The following NUP214 variants were observed in gnomAD, a reference collection of about 807,000 sequenced individuals.
NUP214 encodes nuclear pore complex protein Nup214.
A neutral mutation model predicts 196.2 loss-of-function variants in NUP214; 79 were observed. The ratio of observed to expected loss-of-function variants is 0.40; its 90% confidence interval spans 0.34 to 0.49. The LOEUF is 0.49. NUP214 is among the 20% of genes least tolerant of loss of function. The probability of loss-of-function intolerance (pLI) is 0.58; values close to 1 mark genes in which losing one functional copy is unlikely to be tolerated. For synonymous variants in NUP214, 1,020 were observed against 990.5 expected (o/e 1.03, Z -0.56); for missense variants, 2,468 against 2,539.0 (o/e 0.97, Z 0.60).
At position 131,178,298 on chromosome 9, in the gene NUP214, C is replaced by A. The variant is rs111275500; in HGVS notation, c.3320-13C>A. The A allele has an allele frequency of 6.3e-7, 1 of 1,586,070 alleles. No homozygotes were observed. The highest frequency in any genetic ancestry group is 8.7e-7 in the Non-Finnish European group (1 of 1,154,588). Reference sequence around the variant, plus strand: ...GAATTAATATGGTGTTCTCTCTTCTCTGTTTAAATTAGCTGTAAACACTTT... The same window carrying A: ...GAATTAATATGGTGTTCTCTCTTCTATGTTTAAATTAGCTGTAAACACTTT... On this transcript the variant is annotated splice_polypyrimidine_tract_variant and intron_variant, in intron 23 of 35. Transcript: ENST00000359428.
At chr9:131,159,527 T>C (rs769666404) in intron 18 of NUP214, 41 bp downstream of exon 18, 3 of 1,459,928 alleles carry the variant, frequency 2.1e-6, no homozygotes, top group Admixed American at 1.7e-5. Flanking sequence ...GGAATAGATA[T>C]TGCTATTGCC....
At chr9:131,216,892 T>G (rs1834414564) in intron 31 of NUP214, among the ~76,000 whole-genome samples, 1 of 142,116 alleles carries the variant, frequency 7.0e-6, no homozygotes, top group Non-Finnish European at 1.6e-5. Flanking sequence ...TGTGTAGATC[T>G]TTATCCTGCT....
chr9:131,164,957 A>G (rs1564191868), intron 21 of NUP214, among the ~76,000 whole-genome samples: 2 of 152,336 alleles, frequency 1.3e-5, no homozygotes, highest in East Asian at 3.9e-4. Context: ...GCTTTTGGTA[A>G]TCAGAATAAC....
At position 131,198,300 on chromosome 9, in the gene NUP214, A is replaced by T. The variant is rs1374330636; in HGVS notation, c.4806A>T (p.Ser1602=). Residue 1602 remains serine (S), a synonymous_variant, in exon 29 of 36, where the codon TCA becomes TCT. Transcript: ENST00000359428. The stretch of plus-strand genomic sequence containing the variant: ...CTGCTGTCACAGCAGCTGCTATCTC[A>T]AGTGCAGGCCCTGTGGCCGTCGAAA... The part of the protein sequence containing the change: ...GQTAVTAAAI[S]SAGPVAVETS... 4 of 1,614,012 alleles carry T rather than the reference A, an allele frequency of 2.5e-6. No individual in the cohort carries two copies. The highest frequency in any genetic ancestry group is 1.7e-5 in the Admixed American group (1 of 60,000).
In NUP214 at chr9:131,232,188, C is replaced by T. The variant is rs566021039; in HGVS notation, c.6215-96C>T. ...TGGTGGAGGCACGGAGGGCTTCCCACAAGAAGCACAGAGGAGGGCAGACAC... is the reference window on the plus strand; with the variant it reads ...TGGTGGAGGCACGGAGGGCTTCCCATAAGAAGCACAGAGGAGGGCAGACAC... On this transcript the variant is annotated intron_variant, in intron 34 of 35. Transcript: ENST00000359428. The surrounding 1 kb of genome is among the most constrained non-coding windows in gnomAD (Gnocchi z 5.1). The T allele has an allele frequency of 7.4e-7, 1 of 1,343,950 alleles. No homozygotes were observed. Among genetic ancestry groups the T allele is most frequent in the Non-Finnish European group, 1.1e-6 (1 of 933,684 alleles). The allele number at this position is 1,343,950 out of a possible 1,614,324, so 83.3% of individuals were successfully genotyped here.
chr9:131,215,571 G>A (rs1834369620), intron 31 of NUP214, among the ~76,000 whole-genome samples: 1 of 103,342 alleles, frequency 9.7e-6, no homozygotes, highest in Non-Finnish European at 2.2e-5. Flanking sequence ...ATCATGAAAA[G>A]ATATCAGAGC....
At chr9:131,178,537 G>C in intron 24 of NUP214, 127 bp downstream of exon 24, 2 of 660,070 alleles carry the variant, frequency 3.0e-6, no homozygotes, top group Non-Finnish European at 5.3e-6. Flanking sequence ...TATAAGGGGG[G>C]TGGCGGCTAA....
In NUP214 at chr9:131,197,214, A is replaced by G; in HGVS notation, c.3722-2A>G. 6.2e-7 allele frequency: 1 copy of G among 1,608,756 alleles called. No individual in the cohort carries two copies. Among genetic ancestry groups the G allele is most frequent in the South Asian group, 1.1e-5 (1 of 90,966 alleles). On this transcript the variant is annotated splice_acceptor_variant, in intron 28 of 35. Transcript: ENST00000359428. LOFTEE classifies it high-confidence loss of function. ...CATTTTCTGATTTCTTTTTCTTGCT[A>G]GGGGCAACACCCTCCACTAAAGAGT...
intron 11 of NUP214, among the ~76,000 whole-genome samples, chr9:131,142,525 C>G (rs1224616927): frequency 6.6e-6 from 1 of 152,224 alleles, no homozygotes; most frequent in Non-Finnish European, 1.5e-5. Context: ...CTGTATTGAT[C>G]AGAAGTAGTA....
In NUP214 at chr9:131,144,742, A is replaced by G; in HGVS notation, c.1757A>G (p.Asn586Ser). Reference sequence around the variant, plus strand: ...CCCTCAACCTCTGCTGTCAAAGTCAACCTTAGTGAAAAGTAAGTCACTTCT... The same window carrying G: ...CCCTCAACCTCTGCTGTCAAAGTCAGCCTTAGTGAAAAGTAAGTCACTTCT... The part of the protein sequence containing the change: ...FPPSTSAVKV[N>S]LSEKFTAAAT... The change falls in exon 12 of 36, where the codon AAC becomes AGC. Residue 586 changes from asparagine to serine, a missense_variant. This residue lies in a region of NUP214 where 1,801 missense variants were observed against 1,779.4 expected (regional missense o/e 1.01). Transcript: ENST00000359428. 1.3e-6 allele frequency: 2 copies of G among 1,599,740 alleles called. No individual in the cohort carries two copies. The highest frequency in any genetic ancestry group is 1.7e-6 in the Non-Finnish European group (2 of 1,173,522).
chr9:131,205,857 A>AT (rs1314791377), intron 30 of NUP214, among the ~76,000 whole-genome samples: 1 of 151,972 alleles, frequency 6.6e-6, no homozygotes, highest in African/African-American at 2.4e-5. Context: ...TAATTTTTGT[A>AT]TTTTTAGTAG....
intron 24 of NUP214, among the ~76,000 whole-genome samples, chr9:131,183,172 C>T (rs1833337397): frequency 6.6e-6 from 1 of 152,202 alleles, no homozygotes; most frequent in Non-Finnish European, 1.5e-5. Flanking sequence ...GCAACCTCTG[C>T]CTCCCAGGTT....
intron 33 of NUP214, chr9:131,229,774 C>T (rs547608132): frequency 2.3e-5 from 12 of 518,846 alleles, no homozygotes; most frequent in South Asian, 1.3e-4. Context: ...CCAATGAGAG[C>T]AGATCCCTTG....
Position 131,144,488 on chromosome 9 carries a change from A to G in NUP214, c.1503A>G (p.Ser501=), listed in dbSNP as rs1832021462. The part of the protein sequence containing the change: ...SSATVTGEPP[S]YSSGSDSSKA... ...CTACGGTCACTGGGGAGCCCCCTTC[A>G]TATTCCAGTGGCTCCGACAGCTCCA... is the stretch of plus-strand genomic sequence containing the variant. The change falls in exon 12 of 36, where the codon TCA becomes TCG. Residue 501 remains serine, a synonymous_variant. Coordinates refer to ENST00000359428, the MANE Select transcript of NUP214 (RefSeq NM_005085.4). 3.7e-6 allele frequency: 6 copies of G among 1,614,108 alleles called. No individual in the cohort carries two copies. Among genetic ancestry groups the G allele is most frequent in the Non-Finnish European group, 5.1e-6 (6 of 1,180,014 alleles).
intron 17 of NUP214, among the ~76,000 whole-genome samples, chr9:131,154,255 G>A (rs961258588): frequency 1.3e-5 from 2 of 151,844 alleles, no homozygotes; most frequent in African/African-American, 2.4e-5. Flanking sequence ...AGTTTTTGGG[G>A]GACAAGTGGT....
rs575005091 is a variant in NUP214, at chr9:131,164,439, G to C, written c.2893+295G>C. ...AAGTTTTATGGCACTGATTCACAAG[G>C]GTTTGAGATAGGCTGAGCTGGATCC... On this transcript the variant is annotated intron_variant, in intron 21 of 35. Transcript: ENST00000359428. 8.5e-5 allele frequency: 30 copies of C among 352,024 alleles called. No individual in the cohort carries two copies. The South Asian group carries it at 1.2e-3, about 14-fold the overall frequency. 21.8% of individuals were successfully genotyped at this position (352,024 alleles called of 1,614,324 possible).
chr9:131,230,909 C>T (rs934483180), intron 34 of NUP214, 140 bp downstream of exon 34: 2 of 1,011,066 alleles, frequency 2.0e-6, no homozygotes, highest in African/African-American at 3.3e-5. Context: ...GCCTGTAATC[C>T]CAGCACTTTG....
chr9:131,126,835 C>G (rs1461448654), intron 1 of NUP214, among the ~76,000 whole-genome samples: 1 of 152,140 alleles, frequency 6.6e-6, no homozygotes, highest in East Asian at 1.9e-4. Context: ...TAGGCGTGAG[C>G]TACCGTGCTG....
chr9:131,157,313 A>C (rs1266547927), intron 17 of NUP214, among the ~76,000 whole-genome samples: 2 of 151,980 alleles, frequency 1.3e-5, no homozygotes, highest in African/African-American at 2.4e-5. Flanking sequence ...GGCACACGCC[A>C]CCATGTCTGG....
Sources: allele counts gnomAD v4.1 joint callset (sites outside exome capture counted in the v4.1 genomes callset), GRCh38; gene constraint gnomAD v4.1.1; regional missense constraint gnomAD v4.1.1; non-coding constraint Gnocchi (gnomAD v3.1); transcripts MANE v1.5; gene names NCBI Gene and HGNC (gene_info 2026-07-23, HGNC 2026-07-21).